Variants in RASGEF1C observed in about 807,000 individuals in gnomAD.
RASGEF1C encodes the protein RasGEF domain family member 1C.
In RASGEF1C, 27 loss-of-function variants were observed where a neutral mutation model predicts 58.1. That is an observed-to-expected ratio of 0.46 (90% CI 0.34 to 0.64). The LOEUF (loss-of-function observed/expected upper bound fraction) is 0.64, where lower values mean the gene tolerates loss of function less well. RASGEF1C is among the 30% of genes least tolerant of loss of function. The pLI, the probability that RASGEF1C is intolerant of heterozygous loss-of-function variation, is 0.01. For missense variants in RASGEF1C, 502 were observed against 605.1 expected (o/e 0.83, Z 1.79); for synonymous variants, 243 against 246.3 (o/e 0.99, Z 0.13).
rs180930094 is a variant in RASGEF1C, at chr5:180,159,297, G to A, written c.-6-21239C>T. Among the ~76,000 whole-genome samples, 472 of 151,846 alleles carry A rather than the reference G, an allele frequency of 3.1e-3. 2 individuals carry two copies. The highest frequency in any genetic ancestry group is 0.01 in the African/African-American group (430 of 41,382). On this transcript the variant is annotated intron_variant, in intron 1 of 13. Transcript: ENST00000361132. ...TGGGAGTACAGGCGTGCACCACCAC[G>A]CCCGGCTAATTTTTTGTATTTGAGT...
At chr5:180,153,440 C>T (rs1247426446) in intron 1 of RASGEF1C, among the ~76,000 whole-genome samples, 2 of 152,158 alleles carry the variant, frequency 1.3e-5, no homozygotes, top group Non-Finnish European at 2.9e-5. Flanking sequence ...CTATCCAAGC[C>T]CTCCTCTGGA....
At chr5:180,125,963 T>G (rs374501765) in intron 6 of RASGEF1C, among the ~76,000 whole-genome samples, 37 of 152,284 alleles carry the variant, frequency 2.4e-4, no homozygotes, top group African/African-American at 8.9e-4. Flanking sequence ...TGTAAGAATG[T>G]CCACTGTGGG....
At chr5:180,111,339 G>T in intron 12 of RASGEF1C, 118 bp downstream of exon 12, 1 of 1,378,346 alleles carries the variant, frequency 7.3e-7, no homozygotes, top group African/African-American at 1.4e-5. Context: ...CCCGGAGCCA[G>T]CCCAGGTGGG....
chr5:180,141,537 C>T (rs546022275), intron 1 of RASGEF1C, among the ~76,000 whole-genome samples: 6 of 152,210 alleles, frequency 3.9e-5, no homozygotes, highest in South Asian at 4.2e-4. Flanking sequence ...GACGGTGGGA[C>T]GGCGAGTGCC....
At chr5:180,182,452 G>T (rs1053200043) in intron 1 of RASGEF1C, among the ~76,000 whole-genome samples, 1 of 152,154 alleles carries the variant, frequency 6.6e-6, no homozygotes. Context: ...TCCACAGCTG[G>T]AAGAGAACCC....
At chr5:180,187,947 AT>A (rs1290185347) in intron 1 of RASGEF1C, among the ~76,000 whole-genome samples, 2 of 152,228 alleles carry the variant, frequency 1.3e-5, no homozygotes, top group African/African-American at 2.4e-5. Context: ...CAACTATGGC[AT>A]TAGCAAATGA....
rs150859748 is a variant in RASGEF1C, at chr5:180,143,891, T to C, written c.-6-5833A>G. On this transcript the variant is annotated intron_variant, in intron 1 of 13. Coordinates refer to ENST00000361132, the MANE Select transcript of RASGEF1C (RefSeq NM_175062.4). This position sits in a 1 kb window ranked among gnomAD's most constrained non-coding sequence, Gnocchi z 4.3. The stretch of plus-strand genomic sequence containing the variant: ...GCAGGTGGCTGGTCAGAGCGCGTCC[T>C]GGGGGCTGGAGGGATGTTCTCCCTG... 2.6e-3 allele frequency among the ~76,000 whole-genome samples: 397 copies of C among 152,232 alleles called. 5 individuals carry two copies. Among genetic ancestry groups the C allele is most frequent in the African/African-American group, 8.8e-3 (364 of 41,550 alleles).
At chr5:180,139,676 A>G (rs1027079351) in intron 1 of RASGEF1C, among the ~76,000 whole-genome samples, 1 of 152,222 alleles carries the variant, frequency 6.6e-6, no homozygotes, top group African/African-American at 2.4e-5. Flanking sequence ...GTAAAATTTC[A>G]CAAAATCACC....
intron 7 of RASGEF1C, among the ~76,000 whole-genome samples, chr5:180,120,005 G>A (rs1307164311): frequency 6.6e-6 from 1 of 152,180 alleles, no homozygotes; most frequent in Non-Finnish European, 1.5e-5. Flanking sequence ...TGGCTCCCTG[G>A]GGGGCTCAGG....
chr5:180,115,872 G>T (rs1029730203), intron 10 of RASGEF1C, among the ~76,000 whole-genome samples: 4 of 152,120 alleles, frequency 2.6e-5, no homozygotes, highest in Admixed American at 6.5e-5. Context: ...GTGGTGGGGG[G>T]GGATTGTGGG....
In RASGEF1C at chr5:180,118,599, C is replaced by T; in HGVS notation, c.1083+10G>A. The stretch of plus-strand genomic sequence containing the variant: ...TGCAGCCCCCCTGGGCCAACGTGGC[C>T]CCGACCTACCTTCTCTCGGCTGCTG... On this transcript the variant is annotated intron_variant, in intron 10 of 13. Coordinates refer to ENST00000361132, the MANE Select transcript of RASGEF1C (RefSeq NM_175062.4). 5.6e-6 allele frequency: 9 copies of T among 1,599,982 alleles called. No individual in the cohort carries two copies. The highest frequency in any genetic ancestry group is 1.1e-5 in the South Asian group (1 of 88,470).
rs1480758056 is a variant in RASGEF1C, at chr5:180,156,394, A to G, written c.-6-18336T>C. Among the ~76,000 whole-genome samples, 1 of 152,134 alleles carries G rather than the reference A, an allele frequency of 6.6e-6. No individual in the cohort carries two copies. The highest frequency in any genetic ancestry group is 2.4e-5 in the African/African-American group (1 of 41,448). On this transcript the variant is annotated intron_variant, in intron 1 of 13. Coordinates refer to ENST00000361132, the MANE Select transcript of RASGEF1C (RefSeq NM_175062.4). This position sits in a 1 kb window ranked among gnomAD's most constrained non-coding sequence, Gnocchi z 4.9. The stretch of plus-strand genomic sequence containing the variant: ...GGGTTGAAAGGGAGTCTTCGGAAAC[A>G]CTGGGCTCAGCACAGTTGGTGCCTG...
intron 4 of RASGEF1C, 127 bp from the exon 5 acceptor site, chr5:180,128,737 G>A (rs1313193143): frequency 5.2e-6 from 5 of 958,072 alleles, no homozygotes; most frequent in East Asian, 5.2e-5. Context: ...GAAAAGGCCA[G>A]GTACCAGCGC....
intron 4 of RASGEF1C, 92 bp from the exon 5 acceptor site, chr5:180,128,702 G>C: frequency 2.3e-6 from 3 of 1,301,502 alleles, no homozygotes; most frequent in Non-Finnish European, 3.2e-6. Context: ...TCCAAAGGGA[G>C]GGTCTTTTCC....
intron 1 of RASGEF1C, among the ~76,000 whole-genome samples, chr5:180,165,531 C>A (rs1767007553): frequency 6.6e-6 from 1 of 151,320 alleles, no homozygotes; most frequent in African/African-American, 2.4e-5. Flanking sequence ...ATTAGGCAGG[C>A]ATTGTGGCAT....
In RASGEF1C at chr5:180,190,313, C is replaced by T. The variant is rs184941182; in HGVS notation, c.-7+18715G>A. On this transcript the variant is annotated intron_variant, in intron 1 of 13. Coordinates refer to ENST00000361132, the MANE Select transcript of RASGEF1C (RefSeq NM_175062.4). ...CCATCCTGGCTAACACGGTGAAACC[C>T]CGTCTCTACTAAAAACAAAACAAAA... 9.9e-3 allele frequency among the ~76,000 whole-genome samples: 1,503 copies of T among 151,742 alleles called. 7 individuals are homozygous for T. Among genetic ancestry groups the T allele is most frequent in the South Asian group, 0.017 (81 of 4,804 alleles).
At chr5:180,110,796 C>T (rs1428413279) in intron 12 of RASGEF1C, among the ~76,000 whole-genome samples, 2 of 151,502 alleles carry the variant, frequency 1.3e-5, no homozygotes, top group African/African-American at 4.9e-5. Context: ...GCACTCCCCA[C>T]GTAAGCTCTG....
At chr5:180,193,035 C>G (rs1220740153) in intron 1 of RASGEF1C, among the ~76,000 whole-genome samples, 1 of 116,262 alleles carries the variant, frequency 8.6e-6, no homozygotes, top group South Asian at 3.6e-4. Flanking sequence ...CGTGAGCCAT[C>G]GCGCCCGGCC....
intron 1 of RASGEF1C, among the ~76,000 whole-genome samples, chr5:180,179,484 C>T (rs565945368): frequency 1.3e-5 from 2 of 152,204 alleles, no homozygotes; most frequent in South Asian, 2.1e-4. Context: ...AGGACAGGGG[C>T]GTGAAGGCAG....
Sources: allele counts gnomAD v4.1 joint callset (sites outside exome capture counted in the v4.1 genomes callset), GRCh38; gene constraint gnomAD v4.1.1; non-coding constraint Gnocchi (gnomAD v3.1); transcripts MANE v1.5; gene names NCBI Gene and HGNC (gene_info 2026-07-23, HGNC 2026-07-21).